Variants in LINGO2 observed in about 807,000 individuals in gnomAD.
LINGO2 encodes leucine rich repeat and Ig domain containing 2.
LINGO2 carries 14 observed loss-of-function variants against 30.6 expected under a neutral mutation model. The ratio of observed to expected loss-of-function variants is 0.46; its 90% CI spans 0.30 to 0.72. The LOEUF is 0.72. Among genes scored for constraint, LINGO2 ranks in the 30% least tolerant of loss-of-function variants. LINGO2 has a pLI of 0.07. For synonymous variants in LINGO2, 317 were observed against 288.5 expected (o/e 1.10, Z -1.00); for missense variants, 729 against 751.7 (o/e 0.97, Z 0.35).
At chr9:28,747,283 G>A in the LINGO2 span, among the ~76,000 whole-genome samples, 72 of 151,854 alleles carry the variant, frequency 4.7e-4, no homozygotes, top group Non-Finnish European at 9.7e-4. Context: ...TTGGCTACTG[G>A]ACAGCCCAAC....
intron 2 of LINGO2, among the ~76,000 whole-genome samples, chr9:28,407,692 G>A (rs1227719143): frequency 6.6e-6 from 1 of 152,144 alleles, no homozygotes; most frequent in Non-Finnish European, 1.5e-5. Flanking sequence ...AAAAAGCGGG[G>A]AGAAGGAGAG....
intron 4 of LINGO2, among the ~76,000 whole-genome samples, chr9:28,168,163 T>G (rs890595100): frequency 6.6e-6 from 1 of 152,210 alleles, no homozygotes; most frequent in African/African-American, 2.4e-5. Context: ...AGTGTGGTGA[T>G]AACATCATTT....
the LINGO2 span, among the ~76,000 whole-genome samples, chr9:29,183,158 G>C: frequency 6.6e-6 from 1 of 152,046 alleles, no homozygotes; most frequent in African/African-American, 2.4e-5. Flanking sequence ...AGAATGCCAG[G>C]GACAATTAAT....
intron 4 of LINGO2, among the ~76,000 whole-genome samples, chr9:28,095,221 A>G (rs1826209812): frequency 6.6e-6 from 1 of 152,262 alleles, no homozygotes; most frequent in South Asian, 2.1e-4. Flanking sequence ...AGGAGGGCCT[A>G]TGACCACTGA....
Position 28,290,208 on chromosome 9 carries a change from G to A in LINGO2, c.-87+5000C>T, listed in dbSNP as rs112070354. Among the ~76,000 whole-genome samples, 1,245 of 152,256 alleles carry A rather than the reference G, an allele frequency of 8.2e-3. 23 individuals are homozygous for A. The highest frequency in any genetic ancestry group is 0.028 in the African/African-American group (1,182 of 41,530). ...CTGAACCCAAGTTGGGTTGACTCCCGAATCTGTGATTTAGCAACTATTCTA... is the reference window on the plus strand; with the variant it reads ...CTGAACCCAAGTTGGGTTGACTCCCAAATCTGTGATTTAGCAACTATTCTA... On this transcript the variant is annotated intron_variant, in intron 4 of 5. Coordinates refer to ENST00000379992, the Ensembl canonical transcript of LINGO2.
At chr9:28,046,546 A>C (rs1587761419) in intron 4 of LINGO2, among the ~76,000 whole-genome samples, 1 of 152,308 alleles carries the variant, frequency 6.6e-6, no homozygotes, top group East Asian at 1.9e-4. Context: ...CTGCTTAAAC[A>C]CTTCAGAAGG....
At chr9:28,373,258 A>G (rs927893683) in intron 2 of LINGO2, among the ~76,000 whole-genome samples, 2 of 152,146 alleles carry the variant, frequency 1.3e-5, no homozygotes, top group Non-Finnish European at 2.9e-5. Flanking sequence ...TTCAGGCAAG[A>G]TTATTTTAAG....
chr9:28,178,573 G>A (rs1453397364), intron 4 of LINGO2, among the ~76,000 whole-genome samples: 1 of 152,048 alleles, frequency 6.6e-6, no homozygotes, highest in African/African-American at 2.4e-5. Flanking sequence ...ACAAAGCTTT[G>A]GTGATAACAG....
At chr9:28,688,859 C>T in the LINGO2 span, among the ~76,000 whole-genome samples, 1 of 152,080 alleles carries the variant, frequency 6.6e-6, no homozygotes, top group African/African-American at 2.4e-5. Context: ...CACATAACGT[C>T]CTATAATATG....
the LINGO2 span, among the ~76,000 whole-genome samples, chr9:29,151,760 G>T: frequency 6.6e-6 from 1 of 152,074 alleles, no homozygotes; most frequent in African/African-American, 2.4e-5. Context: ...AATTATTCTT[G>T]ACCTACAATA....
In LINGO2 at chr9:28,546,633, T is replaced by C. The variant is rs545391348; in HGVS notation, c.-364-70608A>G. 2.0e-5 allele frequency among the ~76,000 whole-genome samples: 3 copies of C among 152,204 alleles called. No individual in the cohort carries two copies. In the South Asian group the frequency reaches 6.2e-4, roughly 32 times the overall value. On this transcript the variant is annotated intron_variant, in intron 1 of 5. Coordinates refer to ENST00000379992, the Ensembl canonical transcript of LINGO2. ...TGGAAAAAGGTTAAAGTAATATTTC[T>C]AGGTTTTATGGCTGGCTTTTGGGGA...
At chr9:28,354,451 G>A (rs527509171) in intron 3 of LINGO2, among the ~76,000 whole-genome samples, 7 of 152,106 alleles carry the variant, frequency 4.6e-5, no homozygotes, top group Non-Finnish European at 1.0e-4. Context: ...ATGTAATAGC[G>A]TTAGGTGTTC....
At chr9:28,581,321 C>T (rs966215199) in intron 1 of LINGO2, among the ~76,000 whole-genome samples, 2 of 151,646 alleles carry the variant, frequency 1.3e-5, no homozygotes, top group Non-Finnish European at 2.9e-5. Flanking sequence ...AAACCAGCCT[C>T]CCAAAGGTAA....
chr9:28,506,522 A>ATATATAT (rs1564250917), intron 1 of LINGO2, among the ~76,000 whole-genome samples: 4 of 136,472 alleles, frequency 2.9e-5, no homozygotes, highest in African/African-American at 5.2e-5. Context: ...ATATATATAT[A>ATATATAT]AACTGTTGGG....
chr9:29,142,256 C>T, the LINGO2 span, among the ~76,000 whole-genome samples: 47 of 151,770 alleles, frequency 3.1e-4, no homozygotes, highest in Middle Eastern at 6.8e-3. Flanking sequence ...AGAAGGAATA[C>T]AGGAAAATTT....
At chr9:29,068,557 A>G in the LINGO2 span, among the ~76,000 whole-genome samples, 1 of 151,890 alleles carries the variant, frequency 6.6e-6, no homozygotes, top group African/African-American at 2.4e-5. Context: ...GATAAATACA[A>G]GCTGAATATT....
In LINGO2 at chr9:28,030,637, C is replaced by A. The variant is rs147263935; in HGVS notation, c.-86-18232G>T. Among the ~76,000 whole-genome samples, 43 of 152,322 alleles carry A rather than the reference C, an allele frequency of 2.8e-4. 1 individual carries two copies. The East Asian group carries it at 8.1e-3, about 29-fold the overall frequency. On this transcript the variant is annotated intron_variant, in intron 4 of 5. Transcript: ENST00000379992. ...TCTGCTCCAGGACCTGGTATCACAG[C>A]ACTTGCAGTAATGCACCATCCCTTT...
At chr9:28,025,314 G>T (rs1823324890) in intron 4 of LINGO2, among the ~76,000 whole-genome samples, 1 of 152,180 alleles carries the variant, frequency 6.6e-6, no homozygotes, top group Non-Finnish European at 1.5e-5. Context: ...AATTTATGTT[G>T]ATTTGTTTTA....
chr9:28,544,963 T>A (rs1004844045), intron 1 of LINGO2, among the ~76,000 whole-genome samples: 2 of 151,598 alleles, frequency 1.3e-5, no homozygotes, highest in African/African-American at 4.8e-5. Context: ...AGATTACTTA[T>A]TTTGGAAGAG....
Sources: gnomAD v4.1 joint callset for allele counts (sites outside exome capture counted in the v4.1 genomes callset) on GRCh38, gnomAD v4.1.1 for gene constraint, MANE v1.5 for transcripts, NCBI Gene and HGNC (gene_info 2026-07-23, HGNC 2026-07-21) for gene names.